PIR: variants seen among roughly 807,000 people sequenced by gnomAD.
The protein encoded by PIR is pirin (iron-binding nuclear protein).
In PIR, 22 loss-of-function variants were observed where a neutral mutation model predicts 24.2. That is an observed-to-expected ratio of 0.91 (90% CI 0.65 to 1.30). The LOEUF (loss-of-function observed/expected upper bound fraction) is 1.30, where lower values mean the gene tolerates loss of function less well. Ranked by LOEUF, PIR falls within the 50% of genes most tolerant of loss-of-function variation. The probability of loss-of-function intolerance (pLI) is 0.00; values close to 1 mark genes in which losing one functional copy is unlikely to be tolerated. For missense variants in PIR, 220 were observed against 220.3 expected (o/e 1.00, Z 0.01); for synonymous variants, 80 against 79.6 (o/e 1.00, Z -0.03).
At chrX:15,400,129 G>A (rs1924326805) in intron 7 of PIR, among the ~76,000 whole-genome samples, 1 of 111,720 alleles carries the variant, frequency 9.0e-6, no homozygotes, top group Admixed American at 9.5e-5. Context: ...AATACTAAAG[G>A]TTTCTCCTCC....
Position 15,439,692 on chromosome X carries a change from C to T in PIR, c.481-13702G>A, listed in dbSNP as rs148742452. 2.5e-3 allele frequency among the ~76,000 whole-genome samples: 276 copies of T among 112,189 alleles called. 7 individuals carry two copies. The highest frequency in any genetic ancestry group is 9.8e-4 in the Non-Finnish European group (52 of 53,204). ...GTTGCTAGGCACATTAAATACCCTA[C>T]AAAAACCTCAAGGACTGTGTATTAT... On this transcript the variant is annotated intron_variant, in intron 5 of 9. Transcript: ENST00000380420.
chrX:15,432,121 C>T (rs139402354), intron 5 of PIR, among the ~76,000 whole-genome samples: 2,234 of 110,609 alleles, frequency 0.02, 60 homozygotes, highest in African/African-American at 0.069. Flanking sequence ...TTAGGGGCAT[C>T]GTATGTATTA....
At chrX:15,485,848 C>A (rs1426403773) in intron 2 of PIR, among the ~76,000 whole-genome samples, 2 of 112,221 alleles carry the variant, frequency 1.8e-5, no homozygotes, top group South Asian at 7.3e-4. Context: ...CATGTGTTAT[C>A]GGTAGACAAG....
At chrX:15,441,862 G>A (rs997758683) in intron 5 of PIR, among the ~76,000 whole-genome samples, 2 of 111,229 alleles carry the variant, frequency 1.8e-5, no homozygotes, top group African/African-American at 3.3e-5. Flanking sequence ...TAATGAAGCC[G>A]GGGAAGTATT....
intron 8 of PIR, among the ~76,000 whole-genome samples, chrX:15,395,750 G>C (rs771104008): frequency 3.6e-5 from 4 of 112,465 alleles, no homozygotes; most frequent in Admixed American, 1.9e-4. Context: ...TTCTACTATT[G>C]TGTGGATATA....
At chrX:15,397,801 G>A (rs1924220439) in intron 7 of PIR, among the ~76,000 whole-genome samples, 1 of 111,948 alleles carries the variant, frequency 8.9e-6, no homozygotes. Context: ...TTGGCATTAT[G>A]TGCTCATGTT....
At chrX:15,407,931 G>A (rs1329073847) in intron 6 of PIR, among the ~76,000 whole-genome samples, 1 of 111,699 alleles carries the variant, frequency 9.0e-6, no homozygotes, top group African/African-American at 3.3e-5. Flanking sequence ...TCTTCCATTT[G>A]TTGTGCCTCC....
At chrX:15,431,873 T>C (rs1925520360) in intron 5 of PIR, among the ~76,000 whole-genome samples, 1 of 110,854 alleles carries the variant, frequency 9.0e-6, no homozygotes, top group African/African-American at 3.3e-5. Flanking sequence ...ATTGGTTTTG[T>C]CAAATCACTT....
chrX:15,395,963 A>G (rs760087115), intron 8 of PIR, among the ~76,000 whole-genome samples: 3 of 111,602 alleles, frequency 2.7e-5, no homozygotes, highest in African/African-American at 9.8e-5. Context: ...TGTTGGCTGC[A>G]CCTGTTCTTC....
chrX:15,427,697 C>T lies in PIR; in HGVS notation c.481-1707G>A, dbSNP rs767394035. ...AATATATGTACTGACAGTACATACA[C>T]ACACACACACACACACACACACATA... On this transcript the variant is annotated intron_variant, in intron 5 of 9. Coordinates refer to ENST00000380420, the MANE Select transcript of PIR (RefSeq NM_001018109.3). Among the ~76,000 whole-genome samples, 533 of 108,136 alleles carry T rather than the reference C, an allele frequency of 4.9e-3. 4 individuals carry two copies. The highest frequency in any genetic ancestry group is 0.016 in the African/African-American group (488 of 29,922). 93.9% of individuals were successfully genotyped at this position (108,136 alleles called of 115,157 possible). A position where few individuals can be genotyped will look rare whatever the true frequency, so the allele number is the denominator to read the frequency against.
chrX:15,410,054 CAG>C, intron 6 of PIR, among the ~76,000 whole-genome samples: 1 of 110,922 alleles, frequency 9.0e-6, no homozygotes, highest in Non-Finnish European at 1.9e-5. Flanking sequence ...AGTTCGAGAC[CAG>C]CCTGGCCAAC....
rs6632620 is a variant in PIR, at chrX:15,409,570, T to C, written c.566-2020A>G. On this transcript the variant is annotated intron_variant, in intron 6 of 9. Transcript: ENST00000380420. ...ATGCTGAAAACACACACTAATAATT[T>C]ACAGCCAGATCCCATGTCTTATCTG... Among the ~76,000 whole-genome samples, 771 of 111,301 alleles carry C rather than the reference T, an allele frequency of 6.9e-3. 8 individuals carry two copies. The highest frequency in any genetic ancestry group is 0.023 in the African/African-American group (707 of 30,594).
intron 7 of PIR, among the ~76,000 whole-genome samples, chrX:15,398,687 T>TGTGTGC (rs1924271796): frequency 3.4e-5 from 3 of 89,384 alleles, no homozygotes; most frequent in African/African-American, 1.2e-4. Flanking sequence ...TGTGTGTGTG[T>TGTGTGC]GTGTGTGTGT....
intron 8 of PIR, 21 bp downstream of exon 8, chrX:15,397,428 A>G: frequency 5.9e-6 from 6 of 1,011,412 alleles, no homozygotes; most frequent in Non-Finnish European, 8.4e-6. Flanking sequence ...TAAGAAAGTT[A>G]AAGGAAAATA....
chrX:15,490,074 C>CA (rs1923073890), intron 2 of PIR, among the ~76,000 whole-genome samples: 1 of 111,098 alleles, frequency 9.0e-6, no homozygotes, highest in Non-Finnish European at 1.9e-5. Context: ...GTTCTCATCA[C>CA]AAAAAAATAA....
chrX:15,487,563 A>C (rs930870763), intron 2 of PIR, among the ~76,000 whole-genome samples: 2 of 112,297 alleles, frequency 1.8e-5, no homozygotes, highest in African/African-American at 6.5e-5. Flanking sequence ...TAACAAAATA[A>C]AAATAAGAGT....
intron 3 of PIR, among the ~76,000 whole-genome samples, chrX:15,475,056 CA>C (rs1401449078): frequency 9.5e-6 from 1 of 105,443 alleles, no homozygotes; most frequent in Admixed American, 1.0e-4. Context: ...TTTTTTTTTT[CA>C]GCCTTGATGG....
At chrX:15,409,288 G>A (rs891241750) in intron 6 of PIR, among the ~76,000 whole-genome samples, 1 of 89,334 alleles carries the variant, frequency 1.1e-5, no homozygotes. Flanking sequence ...TAGTAGAGAC[G>A]GGGTTTCACC....
chrX:15,403,642 A>G (rs758325085), intron 7 of PIR, among the ~76,000 whole-genome samples: 3 of 110,733 alleles, frequency 2.7e-5, no homozygotes, highest in Admixed American at 1.9e-4. Flanking sequence ...GGCTGGTCAG[A>G]GAACTTTTTG....
Sources: gnomAD v4.1 joint callset for allele counts (sites outside exome capture counted in the v4.1 genomes callset) on GRCh38, gnomAD v4.1.1 for gene constraint, MANE v1.5 for transcripts, NCBI Gene and HGNC (gene_info 2026-07-23, HGNC 2026-07-21) for gene names.